The following AIG1 variants were observed in gnomAD, a reference collection of about 807,000 sequenced individuals.
AIG1 encodes androgen-induced gene 1 protein.
AIG1 carries 23 observed loss-of-function variants against 31.4 expected under a neutral mutation model. That is an observed-to-expected ratio of 0.73 (90% CI 0.53 to 1.04). The LOEUF is 1.04. AIG1 is among the 50% of genes least tolerant of loss of function. The pLI is 0.00. For synonymous variants in AIG1, 100 were observed against 110.5 expected (o/e 0.90, Z 0.60); for missense variants, 274 against 295.0 (o/e 0.93, Z 0.52).
chr6:143,181,573 A>G (rs1788722622), intron 3 of AIG1, among the ~76,000 whole-genome samples: 1 of 152,254 alleles, frequency 6.6e-6, no homozygotes, highest in Admixed American at 6.5e-5. Flanking sequence ...CAGATCAGTA[A>G]TAAATTTCAA....
intron 1 of AIG1, 77 bp from the exon 2 acceptor site, chr6:143,136,758 A>G (rs1030332880): frequency 4.9e-6 from 6 of 1,233,852 alleles, no homozygotes; most frequent in African/African-American, 3.1e-5. Flanking sequence ...CATGTTGTAC[A>G]CCAGCAGCTC....
At chr6:143,116,147 G>A (rs7738387) in intron 1 of AIG1, among the ~76,000 whole-genome samples, 34,330 of 152,096 alleles carry the variant, frequency 0.23, 7,878 homozygotes, top group African/African-American at 0.57. Flanking sequence ...TGCTGTTCCC[G>A]TAAGACATGC....
chr6:143,064,340 T>G (rs149098288), intron 1 of AIG1, among the ~76,000 whole-genome samples: 52 of 152,182 alleles, frequency 3.4e-4, no homozygotes, highest in African/African-American at 1.3e-3. Flanking sequence ...CAGAGAGAGA[T>G]ACGACAATGC....
chr6:143,064,100 C>T (rs1431636884), intron 1 of AIG1, among the ~76,000 whole-genome samples: 2 of 152,088 alleles, frequency 1.3e-5, no homozygotes, highest in African/African-American at 4.8e-5. Context: ...AATAATGGGC[C>T]TCCAAAGATG....
chr6:143,151,088 AT>A (rs754042571), intron 2 of AIG1, among the ~76,000 whole-genome samples: 4 of 151,820 alleles, frequency 2.6e-5, no homozygotes, highest in African/African-American at 9.7e-5. Flanking sequence ...AAGATGACCA[AT>A]TTTTTTTGCT....
rs145095280 is a variant in AIG1 at position 143,209,995 on chromosome 6, C to A, written c.399+44812C>A. Among the ~76,000 whole-genome samples, 520 of 152,298 alleles carry A rather than the reference C, an allele frequency of 3.4e-3. 6 individuals carry two copies. The highest frequency in any genetic ancestry group is 0.012 in the African/African-American group (494 of 41,556). On this transcript the variant is annotated intron_variant, in intron 3 of 5. Coordinates refer to ENST00000357847, the MANE Select transcript of AIG1 (RefSeq NM_016108.4). Reference sequence around the variant, plus strand: ...GATACAGTTTGGCTGTGTCCCCACCCAAATCTCACCTTGAATTGTAGTTCC... The same window carrying A: ...GATACAGTTTGGCTGTGTCCCCACCAAAATCTCACCTTGAATTGTAGTTCC...
chr6:143,251,969 C>G (rs895849295), intron 3 of AIG1, among the ~76,000 whole-genome samples: 1 of 152,212 alleles, frequency 6.6e-6, no homozygotes, highest in African/African-American at 2.4e-5. Flanking sequence ...AGTAAGTCTT[C>G]TTTTGGAATT....
intron 3 of AIG1, among the ~76,000 whole-genome samples, chr6:143,206,430 A>G (rs572134725): frequency 6.6e-6 from 1 of 152,328 alleles, no homozygotes; most frequent in Non-Finnish European, 1.5e-5. Context: ...TAATATACTC[A>G]CCTTTGTAAA....
At chr6:143,207,451 A>G (rs1276413120) in intron 3 of AIG1, among the ~76,000 whole-genome samples, 2 of 152,116 alleles carry the variant, frequency 1.3e-5, no homozygotes, top group East Asian at 1.9e-4. Flanking sequence ...ACAGAAAGCA[A>G]TTATCTAAGT....
intron 3 of AIG1, among the ~76,000 whole-genome samples, chr6:143,246,785 C>T (rs1268781054): frequency 2.6e-5 from 4 of 152,138 alleles, no homozygotes; most frequent in Non-Finnish European, 5.9e-5. Context: ...CAACTATGAA[C>T]AAAAGAACTA....
At chr6:143,156,646 A>T (rs1785790860) in intron 2 of AIG1, among the ~76,000 whole-genome samples, 1 of 152,210 alleles carries the variant, frequency 6.6e-6, no homozygotes, top group Non-Finnish European at 1.5e-5. Context: ...GATGGAGACC[A>T]CATGCAGAAG....
intron 3 of AIG1, among the ~76,000 whole-genome samples, chr6:143,196,634 T>C (rs1018050456): frequency 6.6e-6 from 1 of 152,134 alleles, no homozygotes; most frequent in Non-Finnish European, 1.5e-5. Context: ...TTTAAAGGCA[T>C]TGGACTTTGG....
intron 2 of AIG1, among the ~76,000 whole-genome samples, chr6:143,151,156 A>C (rs1277848725): frequency 6.6e-6 from 1 of 152,144 alleles, no homozygotes; most frequent in Non-Finnish European, 1.5e-5. Flanking sequence ...TTTAAAGGCA[A>C]AATACAAAAA....
In AIG1 at chr6:143,269,039, G is replaced by A. The variant is rs77073102; in HGVS notation, c.400-15071G>A. Among the ~76,000 whole-genome samples, 101 of 151,256 alleles carry A rather than the reference G, an allele frequency of 6.7e-4. 1 individual carries two copies. In the East Asian group the frequency reaches 0.012, roughly 18 times the overall value. Reference sequence around the variant, plus strand: ...CTTCACAGCTTTGCAGCTCCTAGTAGGGTGGGCTCAGGCCCTTGTTCAGAC... The same window carrying A: ...CTTCACAGCTTTGCAGCTCCTAGTAAGGTGGGCTCAGGCCCTTGTTCAGAC... On this transcript the variant is annotated intron_variant, in intron 3 of 5. Coordinates refer to ENST00000357847, the MANE Select transcript of AIG1 (RefSeq NM_016108.4).
At chr6:143,198,545 C>A (rs1790442198) in intron 3 of AIG1, among the ~76,000 whole-genome samples, 1 of 152,130 alleles carries the variant, frequency 6.6e-6, no homozygotes, top group South Asian at 2.1e-4. Context: ...TTAACAGATA[C>A]CAAAATAACA....
intron 4 of AIG1, among the ~76,000 whole-genome samples, chr6:143,303,457 T>C (rs1169552802): frequency 6.6e-6 from 1 of 152,062 alleles, no homozygotes; most frequent in Non-Finnish European, 1.5e-5. Context: ...TAGCCAGTTT[T>C]CCCAGCACCA....
intron 3 of AIG1, among the ~76,000 whole-genome samples, chr6:143,180,326 T>A (rs923326461): frequency 6.6e-6 from 1 of 152,118 alleles, no homozygotes; most frequent in African/African-American, 2.4e-5. Flanking sequence ...AATGGCATAT[T>A]TGAGATAGAA....
rs144737405 is a variant in AIG1 at position 143,310,389 on chromosome 6, A to G, written c.516-22893A>G. On this transcript the variant is annotated intron_variant, in intron 4 of 5. Transcript: ENST00000357847. ...TGGAAATTAAATAGCACACTAATAA[A>G]TAACCCATGGTTCAAATAAGAAGTG... Among the ~76,000 whole-genome samples, 1,178 of 152,094 alleles carry G rather than the reference A, an allele frequency of 7.7e-3. 37 individuals carry two copies. Among genetic ancestry groups the G allele is most frequent in the Admixed American group, 0.048 (727 of 15,286 alleles).
At chr6:143,296,793 T>C (rs943973035) in intron 4 of AIG1, among the ~76,000 whole-genome samples, 1 of 152,218 alleles carries the variant, frequency 6.6e-6, no homozygotes, top group Non-Finnish European at 1.5e-5. Flanking sequence ...TTTGTACATG[T>C]AAGTAGACCC....
Sources: allele counts gnomAD v4.1 joint callset (sites outside exome capture counted in the v4.1 genomes callset), GRCh38; gene constraint gnomAD v4.1.1; transcripts MANE v1.5; gene names NCBI Gene and HGNC (gene_info 2026-07-23, HGNC 2026-07-21).